The following BCKDHB variants were observed in gnomAD, a reference collection of about 807,000 sequenced individuals.
BCKDHB encodes the protein branched chain keto acid dehydrogenase E1 subunit beta.
Under a neutral mutation model 48.5 loss-of-function variants are expected in BCKDHB, and 41 were observed. The ratio of observed to expected loss-of-function variants is 0.85; its 90% confidence interval spans 0.66 to 1.10. BCKDHB has a LOEUF of 1.10. Among genes scored for constraint, BCKDHB ranks in the 50% least tolerant of loss-of-function variants. The probability of loss-of-function intolerance (pLI) is 0.00; values close to 1 mark genes in which losing one functional copy is unlikely to be tolerated. For missense variants in BCKDHB, 496 were observed against 494.2 expected, an observed-to-expected ratio of 1.00 and a Z score of -0.03; for synonymous variants, 201 against 174.8, an observed-to-expected ratio of 1.15 and a Z score of -1.18.
Position 80,272,886 on chromosome 6 carries a change from T to G in BCKDHB, c.952-249T>G, listed in dbSNP as rs543753363. Among the ~76,000 whole-genome samples, 3 of 152,302 alleles carry G rather than the reference T, an allele frequency of 2.0e-5. No individual in the cohort carries two copies. The East Asian group carries it at 5.8e-4, about 29-fold the overall frequency. The stretch of plus-strand genomic sequence containing the variant: ...GGGTATGCATTTTTAATTGCATATA[T>G]GGAATTACAAATCTCATTTTTCTTT... On this transcript the variant is annotated intron_variant, in intron 8 of 9. Transcript: ENST00000320393.
At chr6:80,247,937 T>G (rs1003969386) in intron 8 of BCKDHB, among the ~76,000 whole-genome samples, 3 of 152,198 alleles carry the variant, frequency 2.0e-5, no homozygotes, top group Non-Finnish European at 2.9e-5. Context: ...AAATCTACAG[T>G]GTTTTGCCAG....
chr6:80,424,189 G>A, the BCKDHB span, among the ~76,000 whole-genome samples: 2 of 151,986 alleles, frequency 1.3e-5, no homozygotes, highest in African/African-American at 4.8e-5. Flanking sequence ...ATTTATTTTT[G>A]TTTTCAGAAG....
At chr6:80,145,630 G>A (rs1376884776) in intron 3 of BCKDHB, among the ~76,000 whole-genome samples, 2 of 152,120 alleles carry the variant, frequency 1.3e-5, no homozygotes, top group South Asian at 2.1e-4. Context: ...CTGGAAGCTG[G>A]CCATTTAAAA....
intron 3 of BCKDHB, among the ~76,000 whole-genome samples, chr6:80,152,141 T>C (rs978826037): frequency 1.4e-4 from 20 of 147,796 alleles, no homozygotes; most frequent in African/African-American, 4.9e-4. Flanking sequence ...ACAGGTTTAT[T>C]CAGAAATATT....
At chr6:80,391,173 A>ATGTGTG in the BCKDHB span, among the ~76,000 whole-genome samples, 24 of 17,668 alleles carry the variant, frequency 1.4e-3, no homozygotes, top group Admixed American at 3.5e-3. Context: ...AAATGCATAT[A>ATGTGTG]TATATGTGTG....
chr6:80,433,488 C>A, the BCKDHB span, among the ~76,000 whole-genome samples: 2 of 152,194 alleles, frequency 1.3e-5, no homozygotes, highest in African/African-American at 4.8e-5. Flanking sequence ...CGAGCCTCAT[C>A]AATGGCAGAC....
At chr6:80,153,513 T>C (rs1771892985) in intron 3 of BCKDHB, among the ~76,000 whole-genome samples, 1 of 152,088 alleles carries the variant, frequency 6.6e-6, no homozygotes, top group Admixed American at 6.6e-5. Flanking sequence ...CTGGGATCCT[T>C]AAAGACCATG....
At chr6:80,234,831 A>T (rs923649639) in intron 8 of BCKDHB, among the ~76,000 whole-genome samples, 12 of 151,180 alleles carry the variant, frequency 7.9e-5, no homozygotes, top group Non-Finnish European at 1.5e-4. Flanking sequence ...ACAATGTTTT[A>T]TATATATATA....
intron 9 of BCKDHB, among the ~76,000 whole-genome samples, chr6:80,300,104 C>T (rs552647550): frequency 2.8e-4 from 43 of 151,618 alleles, no homozygotes; most frequent in African/African-American, 9.9e-4. Context: ...CAGACTGGAG[C>T]GTAGCGCTAT....
chr6:80,171,333 A>AT lies in BCKDHB; in HGVS notation c.686dup (p.Glu230ArgfsTer3). On this transcript the variant is annotated frameshift_variant, in exon 6 of 10. Transcript: ENST00000320393. LOFTEE classifies it high-confidence loss of function. ...GGCCAAAGGACTTCTTTTGTCATGC[A>AT]TAGAGGATAAAAATCCTTGTATATT... 6.2e-7 allele frequency: 1 copy of AT among 1,609,062 alleles called. No individual in the cohort carries two copies. Among genetic ancestry groups the AT allele is most frequent in the East Asian group, 2.2e-5 (1 of 44,650 alleles).
chr6:80,416,761 T>A, the BCKDHB span, among the ~76,000 whole-genome samples: 21 of 119,176 alleles, frequency 1.8e-4, no homozygotes, highest in South Asian at 5.0e-3. Flanking sequence ...CTGGGTTTTT[T>A]ATTTTTATTT....
intron 1 of BCKDHB, among the ~76,000 whole-genome samples, chr6:80,122,968 C>CT (rs1770119117): frequency 7.0e-6 from 1 of 142,216 alleles, no homozygotes; most frequent in Admixed American, 7.0e-5. Context: ...CCTTCCCCCC[C>CT]TCCCCCCCGG....
At chr6:80,248,985 G>A (rs1428431480) in intron 8 of BCKDHB, among the ~76,000 whole-genome samples, 1 of 151,322 alleles carries the variant, frequency 6.6e-6, no homozygotes, top group African/African-American at 2.4e-5. Flanking sequence ...AGGTGTGTAT[G>A]TCTTCAGTGT....
chr6:80,383,016 G>A, the BCKDHB span, among the ~76,000 whole-genome samples: 14 of 152,070 alleles, frequency 9.2e-5, no homozygotes, highest in Non-Finnish European at 1.5e-5. Flanking sequence ...TCTCTCTCAT[G>A]TACATGTTGG....
At chr6:80,373,482 C>T in the BCKDHB span, among the ~76,000 whole-genome samples, 2 of 151,808 alleles carry the variant, frequency 1.3e-5, no homozygotes, top group Admixed American at 6.6e-5. Context: ...TTTGTTATTT[C>T]TTTACTTTTG....
intron 8 of BCKDHB, among the ~76,000 whole-genome samples, chr6:80,221,932 G>A (rs528204678): frequency 7.9e-5 from 12 of 151,948 alleles, no homozygotes; most frequent in East Asian, 3.9e-4. Flanking sequence ...TTCCAATGGC[G>A]TTTCCTAATT....
chr6:80,363,500 T>C, the BCKDHB span, among the ~76,000 whole-genome samples: 1 of 152,226 alleles, frequency 6.6e-6, no homozygotes, highest in African/African-American at 2.4e-5. Context: ...TGGGTGCAAC[T>C]TTTTTCTCAT....
At chr6:80,128,100 G>A (rs1770436435) in intron 2 of BCKDHB, among the ~76,000 whole-genome samples, 1 of 151,378 alleles carries the variant, frequency 6.6e-6, no homozygotes, top group South Asian at 2.1e-4. Context: ...AAAACCAATT[G>A]TTCTTCCACT....
At chr6:80,425,267 G>A in the BCKDHB span, among the ~76,000 whole-genome samples, 1 of 152,088 alleles carries the variant, frequency 6.6e-6, no homozygotes, top group African/African-American at 2.4e-5. Context: ...ACATTCCTTA[G>A]GCCACACTGG....
Sources: allele counts gnomAD v4.1 joint callset (sites outside exome capture counted in the v4.1 genomes callset), GRCh38; gene constraint gnomAD v4.1.1; transcripts MANE v1.5; gene names NCBI Gene and HGNC (gene_info 2026-07-23, HGNC 2026-07-21).